The following COL5A2 variants were observed in gnomAD, a reference collection of about 807,000 sequenced individuals.
COL5A2 encodes the protein collagen alpha-2(V) chain.
COL5A2 carries 23 observed loss-of-function variants against 208.2 expected under a neutral mutation model. The ratio of observed to expected loss-of-function variants is 0.11; its 90% CI spans 0.08 to 0.16. The LOEUF (loss-of-function observed/expected upper bound fraction) is 0.16. Among genes scored for constraint, COL5A2 ranks in the 10% least tolerant of loss-of-function variants. The pLI, the probability that COL5A2 is intolerant of heterozygous loss-of-function variation, is 1.00. For missense variants in COL5A2, 1,590 were observed against 1,956.4 expected (o/e 0.81, Z 3.53); for synonymous variants, 625 against 628.5 (o/e 0.99, Z 0.08).
At chr2:189,260,348 C>T in the COL5A2 span, among the ~76,000 whole-genome samples, 1 of 152,166 alleles carries the variant, frequency 6.6e-6, no homozygotes, top group African/African-American at 2.4e-5. Flanking sequence ...GGCTAGTTGG[C>T]AACTAAGAGT....
chr2:189,071,438 A>T (rs1686271964), intron 18 of COL5A2, among the ~76,000 whole-genome samples: 1 of 152,210 alleles, frequency 6.6e-6, no homozygotes, highest in Admixed American at 6.5e-5. Flanking sequence ...ATCCCAAAGT[A>T]CTGAGAGAAA....
the COL5A2 span, among the ~76,000 whole-genome samples, chr2:189,298,399 A>G: frequency 6.6e-6 from 1 of 152,058 alleles, no homozygotes; most frequent in African/African-American, 2.4e-5. Flanking sequence ...CTCCAGGTCA[A>G]CCTCATTCTC....
the COL5A2 span, among the ~76,000 whole-genome samples, chr2:189,436,116 G>T: frequency 6.6e-6 from 1 of 152,098 alleles, no homozygotes; most frequent in Non-Finnish European, 1.5e-5. Context: ...TCATAGGTGG[G>T]AATTGAACAA....
chr2:189,053,117 A>G, intron 38 of COL5A2, 99 bp from the exon 39 acceptor site: 2 of 1,010,344 alleles, frequency 2.0e-6, no homozygotes, highest in Middle Eastern at 2.4e-4. Flanking sequence ...ATATATTGTG[A>G]AACAGTGCTT....
At chr2:189,208,546 G>C (rs1689170577) in intron 1 of COL5A2, among the ~76,000 whole-genome samples, 1 of 152,216 alleles carries the variant, frequency 6.6e-6, no homozygotes, top group South Asian at 2.1e-4. Flanking sequence ...CAAAGGTCAT[G>C]GTGCAGAAGG....
chr2:189,281,453 T>C, the COL5A2 span, among the ~76,000 whole-genome samples: 6 of 152,168 alleles, frequency 3.9e-5, no homozygotes, highest in Non-Finnish European at 5.9e-5. Flanking sequence ...ATATGAGTAA[T>C]AGACTTTGAG....
chr2:189,091,629 A>G (rs957099180), intron 7 of COL5A2, among the ~76,000 whole-genome samples: 2 of 152,198 alleles, frequency 1.3e-5, no homozygotes, highest in South Asian at 4.1e-4. Flanking sequence ...AACAGACTAT[A>G]TTGTGGAAAA....
In COL5A2 at chr2:189,035,442, A is replaced by G. The variant is rs567409140; in HGVS notation, c.4114-287T>C. ...AAGTATTTTTAAATCTGCTTCACTC[A>G]TGTATCAAAAATAACTCATTTTTAT... On this transcript the variant is annotated intron_variant, in intron 52 of 53. Transcript: ENST00000374866. 8.5e-5 allele frequency among the ~76,000 whole-genome samples: 13 copies of G among 152,260 alleles called. 1 individual carries two copies. The highest frequency in any genetic ancestry group is 2.6e-4 in the African/African-American group (11 of 41,590).
At chr2:189,435,571 A>G in the COL5A2 span, among the ~76,000 whole-genome samples, 1 of 152,234 alleles carries the variant, frequency 6.6e-6, no homozygotes, top group East Asian at 1.9e-4. Context: ...CACACACATG[A>G]AAAAATGATC....
chr2:189,273,816 G>A, the COL5A2 span, among the ~76,000 whole-genome samples: 78 of 152,088 alleles, frequency 5.1e-4, no homozygotes, highest in Admixed American at 5.1e-3. Context: ...CATGGAAGCA[G>A]AGGGTAGAAT....
chr2:189,390,026 T>G, the COL5A2 span, among the ~76,000 whole-genome samples: 1 of 152,118 alleles, frequency 6.6e-6, no homozygotes, highest in Non-Finnish European at 1.5e-5. Context: ...TTTCTATCAT[T>G]CTAATGAACA....
intron 1 of COL5A2, among the ~76,000 whole-genome samples, chr2:189,167,900 T>G (rs1688497416): frequency 6.6e-6 from 1 of 151,984 alleles, no homozygotes; most frequent in African/African-American, 2.4e-5. Context: ...CAGTTGCTCT[T>G]CATTCATCAG....
chr2:189,352,638 C>T, the COL5A2 span, among the ~76,000 whole-genome samples: 12 of 151,946 alleles, frequency 7.9e-5, no homozygotes. Context: ...CACTTTTTGA[C>T]GGGGTTGCTT....
the COL5A2 span, among the ~76,000 whole-genome samples, chr2:189,334,748 C>T: frequency 0.035 from 5,336 of 151,672 alleles, 108 homozygotes; most frequent in Admixed American, 0.05. Flanking sequence ...TTGTATTGAA[C>T]GACAAAGTAT....
intron 1 of COL5A2, among the ~76,000 whole-genome samples, chr2:189,197,269 C>T (rs1219277393): frequency 6.6e-6 from 1 of 151,746 alleles, no homozygotes; most frequent in African/African-American, 2.4e-5. Context: ...ACAACACACA[C>T]CGGGGCCAGC....
intron 1 of COL5A2, among the ~76,000 whole-genome samples, chr2:189,189,695 T>TAA (rs1688899822): frequency 6.6e-6 from 1 of 151,842 alleles, no homozygotes. Flanking sequence ...TATATATATA[T>TAA]ATTTCATTTG....
At position 189,101,982 on chromosome 2, in the gene COL5A2, T is replaced by C. The variant is rs116685702; in HGVS notation, c.337-1843A>G. 4.3e-3 allele frequency among the ~76,000 whole-genome samples: 651 copies of C among 152,072 alleles called. 3 individuals are homozygous for C. The highest frequency in any genetic ancestry group is 0.015 in the African/African-American group (612 of 41,512). ...TCTAGAGTCTTTCTATTTTAAAAAA[T>C]ACAAAAATAATAAAATTTAACCATG... On this transcript the variant is annotated intron_variant, in intron 3 of 53. Transcript: ENST00000374866.
chr2:189,259,673 C>T, the COL5A2 span, among the ~76,000 whole-genome samples: 1 of 152,146 alleles, frequency 6.6e-6, no homozygotes, highest in Non-Finnish European at 1.5e-5. Flanking sequence ...GTTGGAGGCT[C>T]ACAGAAAATC....
chr2:189,335,261 A>T, the COL5A2 span, among the ~76,000 whole-genome samples: 3 of 152,146 alleles, frequency 2.0e-5, no homozygotes, highest in African/African-American at 7.2e-5. Context: ...GTCATCAGGG[A>T]AATGCAAATC....
Sources: gnomAD v4.1 joint callset for allele counts (sites outside exome capture counted in the v4.1 genomes callset) on GRCh38, gnomAD v4.1.1 for gene constraint, MANE v1.5 for transcripts, NCBI Gene and HGNC (gene_info 2026-07-23, HGNC 2026-07-21) for gene names.